Variants in CACNA1C observed in about 807,000 individuals in gnomAD.
CACNA1C encodes the protein voltage-dependent L-type calcium channel subunit alpha-1C.
Under a neutral mutation model 229.0 loss-of-function variants are expected in CACNA1C, and 30 were observed. The observed-to-expected ratio is 0.13, with a 90% confidence interval of 0.10 to 0.18. The LOEUF (loss-of-function observed/expected upper bound fraction) is 0.18, where lower values mean the gene tolerates loss of function less well. CACNA1C is among the 10% of genes least tolerant of loss of function. CACNA1C has a pLI of 1.00. For missense variants in CACNA1C, 1,658 were observed against 2,845.0 expected (o/e 0.58, Z 9.49); for synonymous variants, 1,114 against 1,132.5 (o/e 0.98, Z 0.33).
chr12:2,647,089 A>G lies in CACNA1C; in HGVS notation c.3913-1386A>G, dbSNP rs1353613180. Among the ~76,000 whole-genome samples, 2 of 152,346 alleles carry G rather than the reference A, an allele frequency of 1.3e-5. No individual in the cohort carries two copies. The highest frequency in any genetic ancestry group is 3.4e-3 in the Middle Eastern group (1 of 294). ...GAATTTGCTGAGAAATCTGTTACCC[A>G]AGAAATATTTTCAGGCTGCAAGCAA... On this transcript the variant is annotated intron_variant, in intron 30 of 46. Transcript: ENST00000399655. This position sits in a 1 kb window ranked among gnomAD's most constrained non-coding sequence, Gnocchi z 4.2.
At chr12:2,156,687 G>A (rs1484684525) in intron 3 of CACNA1C, among the ~76,000 whole-genome samples, 5 of 152,312 alleles carry the variant, frequency 3.3e-5, no homozygotes, top group Middle Eastern at 6.8e-3. Context: ...TCCTCAACCA[G>A]GTTTTTCTAC....
chr12:2,373,450 C>T (rs369550733), intron 3 of CACNA1C, among the ~76,000 whole-genome samples: 2 of 152,168 alleles, frequency 1.3e-5, no homozygotes, highest in East Asian at 3.9e-4. Context: ...GCAGAGGTCT[C>T]CTGAGGTGAC....
intron 1 of CACNA1C, among the ~76,000 whole-genome samples, chr12:2,104,898 TTTG>T (rs2077619646): frequency 6.6e-6 from 1 of 152,174 alleles, no homozygotes; most frequent in East Asian, 1.9e-4. Flanking sequence ...ATTATGGCAA[TTTG>T]TCATCTTCAG....
intron 3 of CACNA1C, among the ~76,000 whole-genome samples, chr12:2,150,222 G>A (rs1361834560): frequency 6.6e-6 from 1 of 152,176 alleles, no homozygotes; most frequent in African/African-American, 2.4e-5. Context: ...GTGTCTGGCT[G>A]CACTGTAAAA....
chr12:2,554,600 TGGGCTCCTGATGGCACCGAGGCACCC>T (rs1483007106), intron 10 of CACNA1C, among the ~76,000 whole-genome samples: 3 of 152,148 alleles, frequency 2.0e-5, no homozygotes, highest in Non-Finnish European at 2.9e-5. Flanking sequence ...CCAAGGCATC[TGGGCTCCTGATGGCACCGAGGCACCC>T]GGGCTCCTGG....
chr12:2,110,373 G>A (rs977767182), intron 1 of CACNA1C, among the ~76,000 whole-genome samples: 6 of 152,326 alleles, frequency 3.9e-5, no homozygotes, highest in Non-Finnish European at 8.8e-5. Context: ...TTGGTGTGTG[G>A]CCTGATCTGC....
intron 1 of CACNA1C, among the ~76,000 whole-genome samples, chr12:2,043,233 G>A (rs1353727341): frequency 1.3e-5 from 2 of 152,158 alleles, no homozygotes; most frequent in African/African-American, 4.8e-5. Flanking sequence ...AACCACACAT[G>A]GTTCACACAC....
chr12:1,972,706 A>G (rs1346561819), intron 1 of CACNA1C, among the ~76,000 whole-genome samples: 4 of 152,104 alleles, frequency 2.6e-5, no homozygotes, highest in African/African-American at 7.2e-5. Flanking sequence ...GTTTTTACAT[A>G]TTGGATTGAG....
chr12:2,398,265 C>T (rs557621477), intron 3 of CACNA1C, among the ~76,000 whole-genome samples: 13 of 152,362 alleles, frequency 8.5e-5, no homozygotes, highest in Non-Finnish European at 1.8e-4. Context: ...TGGAGAATCC[C>T]TCACACCTTC....
In CACNA1C at chr12:2,666,896, A is replaced by G. The variant is rs992361154; in HGVS notation, c.4623+114A>G. 2.8e-6 allele frequency: 2 copies of G among 706,486 alleles called. No homozygotes were observed. Among genetic ancestry groups the G allele is most frequent in the African/African-American group, 3.5e-5 (2 of 57,204 alleles). 43.8% of individuals were successfully genotyped at this position (706,486 alleles called of 1,614,324 possible). On this transcript the variant is annotated intron_variant, in intron 37 of 46. Transcript: ENST00000399655. The surrounding 1 kb of genome is among the most constrained non-coding windows in gnomAD (Gnocchi z 5.3). ...ACTAGTTTATGTGCCTAAAGATTAC[A>G]TTTTAAGGGTCCTTCCAGCTCTAAA... is the stretch of plus-strand genomic sequence containing the variant.
intron 3 of CACNA1C, among the ~76,000 whole-genome samples, chr12:2,279,225 C>T (rs2090138025): frequency 6.6e-6 from 1 of 152,040 alleles, no homozygotes; most frequent in African/African-American, 2.4e-5. Flanking sequence ...AAGTCATTTT[C>T]CATATATGTG....
In CACNA1C at chr12:2,135,551, T is replaced by C. The variant is rs576762972; in HGVS notation, c.477+15121T>C. Among the ~76,000 whole-genome samples the C allele has an allele frequency of 7.8e-3, 1,021 of 131,028 alleles. 61 individuals carry two copies. The highest frequency in any genetic ancestry group is 0.01 in the Non-Finnish European group (665 of 64,626). The allele number at this position is 131,028 out of a possible 152,430, so 86.0% of individuals were successfully genotyped here. On this transcript the variant is annotated intron_variant, in intron 3 of 46. Coordinates refer to ENST00000399655, the MANE Select transcript of CACNA1C (RefSeq NM_000719.7). ...GACAGGACCCTCAGCTGCAGGTCTGTTGGAGTACCCTGCTGTGAGAGGTGT... is the reference window on the plus strand; with the variant it reads ...GACAGGACCCTCAGCTGCAGGTCTGCTGGAGTACCCTGCTGTGAGAGGTGT...
At chr12:2,042,331 T>G (rs1406207901) in intron 1 of CACNA1C, among the ~76,000 whole-genome samples, 1 of 152,178 alleles carries the variant, frequency 6.6e-6, no homozygotes, top group African/African-American at 2.4e-5. Context: ...ATTTAAAAAT[T>G]TTATAAACAT....
Position 2,191,800 on chromosome 12 carries a change from G to T in CACNA1C, c.477+71370G>T, listed in dbSNP as rs190986404. Among the ~76,000 whole-genome samples the T allele has an allele frequency of 1.3e-3, 143 of 110,402 alleles. 1 individual carries two copies. Among genetic ancestry groups the T allele is most frequent in the Middle Eastern group, 0.012 (2 of 164 alleles). The allele number at this position is 110,402 out of a possible 152,430, so 72.4% of individuals were successfully genotyped here. On this transcript the variant is annotated intron_variant, in intron 3 of 46. Coordinates refer to ENST00000399655, the MANE Select transcript of CACNA1C (RefSeq NM_000719.7). ...GGCACATACATGCACATGATCTCACGTACACAGGCACACGTATGCACACAC... is the reference window on the plus strand; with the variant it reads ...GGCACATACATGCACATGATCTCACTTACACAGGCACACGTATGCACACAC...
In CACNA1C at chr12:2,606,035, C is replaced by T. The variant is rs371366608; in HGVS notation, c.3156+249C>T. 7.2e-5 allele frequency among the ~76,000 whole-genome samples: 11 copies of T among 152,332 alleles called. No individual in the cohort carries two copies. The East Asian group carries it at 2.1e-3, about 29-fold the overall frequency. ...CCTGCCCTTGAGGTCACTGCCCTTC[C>T]TTCTAGAAAGAGAGAGAGAGGGACT... On this transcript the variant is annotated intron_variant, in intron 24 of 46. Transcript: ENST00000399655.
chr12:2,034,675 C>T lies in CACNA1C; in HGVS notation c.139+63474C>T, dbSNP rs1370584413. Among the ~76,000 whole-genome samples the T allele has an allele frequency of 6.6e-6, 1 of 152,176 alleles. No individual in the cohort carries two copies. Among genetic ancestry groups the T allele is most frequent in the Non-Finnish European group, 1.5e-5 (1 of 68,044 alleles). ...ATAATTCGAGGGCTAACTGGCTCAT[C>T]TAGTGTGATTTAAGCTCGTAGTTTC... On this transcript the variant is annotated intron_variant, in intron 1 of 46. Coordinates refer to the CACNA1C transcript ENST00000682462. This position sits in a 1 kb window ranked among gnomAD's most constrained non-coding sequence, Gnocchi z 4.1.
intron 3 of CACNA1C, among the ~76,000 whole-genome samples, chr12:2,415,465 G>A (rs558352591): frequency 6.6e-6 from 1 of 152,302 alleles, no homozygotes; most frequent in African/African-American, 2.4e-5. Flanking sequence ...GAAATATTCA[G>A]CTTTTCTTCC....
At chr12:2,642,333 G>A (rs1313117817) in intron 30 of CACNA1C, among the ~76,000 whole-genome samples, 2 of 152,000 alleles carry the variant, frequency 1.3e-5, no homozygotes, top group Non-Finnish European at 2.9e-5. Flanking sequence ...CTTCCCCTCC[G>A]TGTAAGGGTG....
At chr12:2,565,195 G>T (rs61909410) in intron 11 of CACNA1C, among the ~76,000 whole-genome samples, 1 of 151,950 alleles carries the variant, frequency 6.6e-6, no homozygotes, top group Non-Finnish European at 1.5e-5. Context: ...CCGGCCGGGC[G>T]CGGTGGCTCA....
Sources: gnomAD v4.1 joint callset for allele counts (sites outside exome capture counted in the v4.1 genomes callset) on GRCh38, gnomAD v4.1.1 for gene constraint, Gnocchi (gnomAD v3.1) non-coding constraint, MANE v1.5 for transcripts, NCBI Gene and HGNC (gene_info 2026-07-23, HGNC 2026-07-21) for gene names.